The following PDE3A variants were observed in gnomAD, a reference collection of about 807,000 sequenced individuals.
The protein encoded by PDE3A is phosphodiesterase 3A.
Under a neutral mutation model 98.3 loss-of-function variants are expected in PDE3A, and 43 were observed. That is an observed-to-expected ratio of 0.44 (90% confidence interval 0.34 to 0.56). The LOEUF (loss-of-function observed/expected upper bound fraction) is 0.56, where lower values mean the gene tolerates loss of function less well. Ranked by LOEUF, PDE3A falls within the 20% of genes least tolerant of loss-of-function variation. The probability of loss-of-function intolerance (pLI) is 0.01; values close to 1 mark genes in which losing one functional copy is unlikely to be tolerated. For synonymous variants in PDE3A, 663 were observed against 567.9 expected, an observed-to-expected ratio of 1.17 and a Z score of -2.38; for missense variants, 1,427 against 1,440.7, an observed-to-expected ratio of 0.99 and a Z score of 0.15.
intron 1 of PDE3A, among the ~76,000 whole-genome samples, chr12:20,437,710 C>T (rs1037022176): frequency 6.6e-6 from 1 of 152,128 alleles, no homozygotes; most frequent in Non-Finnish European, 1.5e-5. Flanking sequence ...CCCCCATGAT[C>T]TCATCACCTC....
intron 1 of PDE3A, among the ~76,000 whole-genome samples, chr12:20,452,335 G>T (rs530805533): frequency 0.015 from 2,356 of 152,292 alleles, 60 homozygotes; most frequent in African/African-American, 0.054. Flanking sequence ...GAAGTCATTT[G>T]TCTTAATGTG....
chr12:20,654,011 T>G lies in PDE3A; in HGVS notation c.2990T>G (p.Leu997Arg). ...SPFMDRSAPQ[L>R]ANLQESFISH... is the part of the protein sequence containing the mutation. ...TTCATGGATCGTTCTGCTCCTCAGC[T>G]GGCCAACCTTCAGGAATCCTTCATC... The change falls in exon 15 of 16, where the codon CTG becomes CGG. Residue 997 changes from leucine (L) to arginine (R), a missense_variant. By Grantham distance (102) the Leu-to-Arg change is moderately radical (BLOSUM62 -2). Coordinates refer to ENST00000359062, the MANE Select transcript of PDE3A (RefSeq NM_000921.5). 6.2e-7 allele frequency: 1 copy of G among 1,614,164 alleles called. No individual in the cohort carries two copies. Among genetic ancestry groups the G allele is most frequent in the Non-Finnish European group, 8.5e-7 (1 of 1,180,014 alleles).
At chr12:20,456,427 T>G (rs1197338157) in intron 1 of PDE3A, among the ~76,000 whole-genome samples, 2 of 152,144 alleles carry the variant, frequency 1.3e-5, no homozygotes, top group African/African-American at 4.8e-5. Context: ...AACCATAAAG[T>G]TGACTTCTTA....
At chr12:20,429,299 G>A (rs968337359) in intron 1 of PDE3A, among the ~76,000 whole-genome samples, 3 of 152,112 alleles carry the variant, frequency 2.0e-5, no homozygotes, top group Non-Finnish European at 2.9e-5. Flanking sequence ...AATAGCATAC[G>A]TGGGTTTGGC....
intron 10 of PDE3A, among the ~76,000 whole-genome samples, chr12:20,641,334 GA>G (rs1944644173): frequency 6.6e-6 from 1 of 151,782 alleles, no homozygotes; most frequent in African/African-American, 2.4e-5. Context: ...AGAGAAACAT[GA>G]AAAAAGGGGT....
At chr12:20,651,300 A>G (rs1944910006) in intron 14 of PDE3A, among the ~76,000 whole-genome samples, 1 of 152,062 alleles carries the variant, frequency 6.6e-6, no homozygotes, top group Non-Finnish European at 1.5e-5. Context: ...ACTGTGAACC[A>G]CTCTTAAAAA....
At chr12:20,578,474 TAC>T (rs5796870) in intron 2 of PDE3A, among the ~76,000 whole-genome samples, 9,825 of 148,480 alleles carry the variant, frequency 0.066, 589 homozygotes, top group African/African-American at 0.16. Flanking sequence ...ATACAACTAA[TAC>T]ACACACACAC....
chr12:20,435,182 C>T (rs1407338699), intron 1 of PDE3A, among the ~76,000 whole-genome samples: 1 of 152,144 alleles, frequency 6.6e-6, no homozygotes, highest in Non-Finnish European at 1.5e-5. Flanking sequence ...ATAGGGAATC[C>T]CCACTGCATT....
intron 1 of PDE3A, among the ~76,000 whole-genome samples, chr12:20,504,955 T>A (rs1946088224): frequency 6.6e-6 from 1 of 152,054 alleles, no homozygotes; most frequent in Non-Finnish European, 1.5e-5. Flanking sequence ...TGGGGGCTGT[T>A]TTTCTGCCAG....
chr12:20,434,480 GT>G lies in PDE3A; in HGVS notation c.960+64237del, dbSNP rs555752513. 5.9e-5 allele frequency among the ~76,000 whole-genome samples: 9 copies of G among 152,278 alleles called. No individual in the cohort carries two copies. In the South Asian group the frequency reaches 1.9e-3, roughly 32 times the overall value. ...TTTAGAGAGTGTTTGCTAGCTTTTAGTAACTCCTAGACCTGGTAAGGATCAG... is the reference window on the plus strand; with the variant it reads ...TTTAGAGAGTGTTTGCTAGCTTTTAGAACTCCTAGACCTGGTAAGGATCAG... On this transcript the variant is annotated intron_variant, in intron 1 of 15. Transcript: ENST00000359062.
chr12:20,488,302 G>C (rs1945766888), intron 1 of PDE3A, among the ~76,000 whole-genome samples: 1 of 152,138 alleles, frequency 6.6e-6, no homozygotes, highest in South Asian at 2.1e-4. Flanking sequence ...GATGATACCA[G>C]TCACACCATT....
chr12:20,661,729 C>T (rs1281108979), intron 15 of PDE3A, among the ~76,000 whole-genome samples: 1 of 152,212 alleles, frequency 6.6e-6, no homozygotes, highest in Non-Finnish European at 1.5e-5. Context: ...GGTTTGGGAA[C>T]CTCTGCCTAT....
chr12:20,608,770 T>A (rs1565447609), intron 2 of PDE3A, among the ~76,000 whole-genome samples: 1 of 152,104 alleles, frequency 6.6e-6, no homozygotes, highest in African/African-American at 2.4e-5. Flanking sequence ...GTAATTCTCA[T>A]GAACATGTTC....
At chr12:20,560,955 T>C (rs189562997) in intron 2 of PDE3A, among the ~76,000 whole-genome samples, 7 of 148,898 alleles carry the variant, frequency 4.7e-5, no homozygotes, top group Admixed American at 2.7e-4. Flanking sequence ...AAAGTACAGA[T>C]GGGTAAGCTT....
Position 20,580,162 on chromosome 12 carries a change from A to G in PDE3A, c.1011+23452A>G, listed in dbSNP as rs112333574. ...CCACCTTGCCCATGATAGATTAATC[A>G]TGTAACAAGCCACCTCTTAGGGGAT... On this transcript the variant is annotated intron_variant, in intron 2 of 15. Transcript: ENST00000359062. 3.3e-5 allele frequency among the ~76,000 whole-genome samples: 5 copies of G among 152,290 alleles called. 1 individual carries two copies. The highest frequency in any genetic ancestry group is 1.2e-4 in the African/African-American group (5 of 41,568).
At chr12:20,585,981 A>G (rs976792063) in intron 2 of PDE3A, among the ~76,000 whole-genome samples, 1 of 152,222 alleles carries the variant, frequency 6.6e-6, no homozygotes, top group African/African-American at 2.4e-5. Context: ...GATATGCACA[A>G]TCAAATGTAG....
chr12:20,382,003 G>C (rs924591393), intron 1 of PDE3A, among the ~76,000 whole-genome samples: 1 of 151,828 alleles, frequency 6.6e-6, no homozygotes, highest in African/African-American at 2.4e-5. Flanking sequence ...TTTGAAGTCT[G>C]TGAGGACATT....
intron 15 of PDE3A, among the ~76,000 whole-genome samples, chr12:20,669,009 C>G (rs1391785523): frequency 6.6e-6 from 1 of 150,704 alleles, no homozygotes; most frequent in Admixed American, 6.6e-5. Context: ...CTTAAAGGAG[C>G]TGATGGAGCT....
chr12:20,669,767 G>C (rs184499136), intron 15 of PDE3A, among the ~76,000 whole-genome samples: 619 of 152,012 alleles, frequency 4.1e-3, no homozygotes, highest in Non-Finnish European at 7.4e-3. Context: ...AAAGACCATC[G>C]AGACTAGGAA....
Sources: gnomAD v4.1 joint callset for allele counts (sites outside exome capture counted in the v4.1 genomes callset) on GRCh38, gnomAD v4.1.1 for gene constraint, MANE v1.5 for transcripts, NCBI Gene and HGNC (gene_info 2026-07-23, HGNC 2026-07-21) for gene names.